Variants in RTTN observed in about 807,000 individuals in gnomAD.
RTTN encodes the protein rotatin.
Under a neutral mutation model 269.2 loss-of-function variants are expected in RTTN, and 182 were observed. The observed-to-expected ratio is 0.68, with a 90% CI of 0.60 to 0.76. RTTN has a LOEUF of 0.76. Ranked by LOEUF, RTTN falls within the 30% of genes least tolerant of loss-of-function variation. The pLI is 0.00. For synonymous variants in RTTN, 1,006 were observed against 963.5 expected (o/e 1.04, Z -0.82); for missense variants, 2,545 against 2,608.6 (o/e 0.98, Z 0.53).
chr18:70,179,612 T>TC (rs1404772570), intron 10 of RTTN, among the ~76,000 whole-genome samples: 1 of 152,164 alleles, frequency 6.6e-6, no homozygotes, highest in African/African-American at 2.4e-5. Flanking sequence ...AAAAGACCCG[T>TC]CCTCACAGGA....
intron 34 of RTTN, among the ~76,000 whole-genome samples, chr18:70,070,208 C>A (rs940296798): frequency 5.9e-5 from 9 of 152,272 alleles, no homozygotes; most frequent in Non-Finnish European, 1.2e-4. Context: ...CTGTGCCATC[C>A]TGTGTGTAAT....
At position 70,109,694 on chromosome 18, in the gene RTTN, A is replaced by C. The variant is rs1475762950; in HGVS notation, c.3707T>G (p.Val1236Gly). Residue 1236 changes from valine to glycine, a missense_variant, in exon 28 of 49, where the codon GTT (valine) becomes GGT (glycine). Physicochemically the swap from Val to Gly is moderately radical, Grantham distance 109. Coordinates refer to ENST00000640769, the MANE Select transcript of RTTN (RefSeq NM_173630.4). ...TDRKCSELLY[V>G]FQTQLALKLL... ...TTTCAGAGCCAGCTGCGTTTGAAAA[A>C]CGTAAAGAAGTTCCGAGCATTTCCT... 7 of 1,614,030 alleles carry C rather than the reference A, an allele frequency of 4.3e-6. No individual in the cohort carries two copies. Among genetic ancestry groups the C allele is most frequent in the Non-Finnish European group, 5.9e-6 (7 of 1,180,030 alleles).
intron 40 of RTTN, among the ~76,000 whole-genome samples, chr18:70,045,334 A>G (rs2057463345): frequency 6.6e-6 from 1 of 152,220 alleles, no homozygotes; most frequent in Admixed American, 6.5e-5. Context: ...CTGAATCCCA[A>G]GAAGTTAAGT....
intron 46 of RTTN, 109 bp from the exon 47 acceptor site, chr18:70,006,593 AAGTTGGTATC>A (rs1024533214): frequency 6.2e-6 from 5 of 809,504 alleles, no homozygotes; most frequent in Non-Finnish European, 1.0e-5. Context: ...TGCATACATA[AAGTTGGTATC>A]ACTAGACTAT....
chr18:70,184,703 G>GTTTTTTTTTTTTTTTTT (rs374636456), intron 10 of RTTN, among the ~76,000 whole-genome samples: 1 of 26,352 alleles, frequency 3.8e-5, no homozygotes, highest in Non-Finnish European at 1.9e-4. Flanking sequence ...ACCACAGCAG[G>GTTTTTTTTTTTTTTTTT]TTTTTTTTTT....
At chr18:70,197,934 T>G (rs113208975) in intron 5 of RTTN, among the ~76,000 whole-genome samples, 196 bp from the exon 6 acceptor site, 7 of 152,276 alleles carry the variant, frequency 4.6e-5, no homozygotes, top group African/African-American at 1.7e-4. Flanking sequence ...TGTCCATTAT[T>G]TGTGATATTG....
intron 40 of RTTN, among the ~76,000 whole-genome samples, chr18:70,038,451 G>A (rs1350256737): frequency 6.6e-6 from 1 of 152,166 alleles, no homozygotes; most frequent in Non-Finnish European, 1.5e-5. Flanking sequence ...TAAGGTAAAA[G>A]AACAAGAGTC....
At chr18:70,127,312 C>T (rs1270371714) in intron 25 of RTTN, among the ~76,000 whole-genome samples, 190 bp downstream of exon 25, 3 of 151,964 alleles carry the variant, frequency 2.0e-5, no homozygotes, top group Non-Finnish European at 4.4e-5. Context: ...ATTAATAATC[C>T]CTTCAACAAT....
At chr18:70,174,791 C>T (rs2061244495) in intron 11 of RTTN, among the ~76,000 whole-genome samples, 2 of 150,714 alleles carry the variant, frequency 1.3e-5, no homozygotes, top group South Asian at 4.2e-4. Context: ...GAGGCCGAGG[C>T]GGGCACATCA....
chr18:70,073,348 C>T (rs2058345936), intron 34 of RTTN, among the ~76,000 whole-genome samples: 1 of 152,034 alleles, frequency 6.6e-6, no homozygotes, highest in African/African-American at 2.4e-5. Flanking sequence ...ATATAAATTT[C>T]AGGTATTCCA....
intron 38 of RTTN, among the ~76,000 whole-genome samples, chr18:70,052,237 C>G (rs942060397): frequency 2.6e-5 from 4 of 152,144 alleles, no homozygotes; most frequent in Non-Finnish European, 5.9e-5. Flanking sequence ...ATAATGTAAA[C>G]TTTATAGGAC....
chr18:70,122,551 A>G (rs576542962), intron 25 of RTTN, among the ~76,000 whole-genome samples: 43 of 152,274 alleles, frequency 2.8e-4, no homozygotes, highest in African/African-American at 9.4e-4. Flanking sequence ...AACATTATGA[A>G]GTAGGCACCT....
At chr18:70,184,183 C>A (rs1203654350) in intron 10 of RTTN, among the ~76,000 whole-genome samples, 2 of 152,218 alleles carry the variant, frequency 1.3e-5, no homozygotes, top group African/African-American at 2.4e-5. Context: ...AGCCAGTGGA[C>A]AAGACCCAAA....
chr18:70,150,507 T>G, intron 15 of RTTN, 101 bp downstream of exon 15: 1 of 1,096,692 alleles, frequency 9.1e-7, no homozygotes, highest in South Asian at 1.4e-5. Flanking sequence ...AGGTTTCTTT[T>G]TAGTTTCTCA....
chr18:70,133,918 G>A (rs545807457), intron 23 of RTTN, among the ~76,000 whole-genome samples: 1 of 152,190 alleles, frequency 6.6e-6, no homozygotes, highest in East Asian at 1.9e-4. Flanking sequence ...ATACAATGCA[G>A]AACCTTAACT....
chr18:70,169,083 AAAC>A lies in RTTN; in HGVS notation c.1477-19_1477-17del. The A allele has an allele frequency of 1.9e-6, 3 of 1,553,942 alleles. No individual in the cohort carries two copies. Among genetic ancestry groups the A allele is most frequent in the Non-Finnish European group, 2.6e-6 (3 of 1,154,844 alleles). On this transcript the variant is annotated splice_polypyrimidine_tract_variant and intron_variant, in intron 11 of 48. Transcript: ENST00000640769. ...ACTCGCTTGCCTTGGTGAATTAAAA[AAAC>A]AAAAAAATTAAAACTTTGTTTAAAA...
chr18:70,182,649 TTA>T (rs1283919194), intron 10 of RTTN, among the ~76,000 whole-genome samples: 1 of 152,178 alleles, frequency 6.6e-6, no homozygotes, highest in Non-Finnish European at 1.5e-5. Flanking sequence ...GACAAATGAT[TTA>T]TGATATTTTG....
Position 70,205,155 on chromosome 18 carries a change from A to G in RTTN, c.192T>C (p.Val64=). The change falls in exon 2 of 49, where the codon GTT becomes GTC. Residue 64 remains valine, a synonymous_variant. Transcript: ENST00000640769. The part of the protein sequence containing the change: ...NFPSVPMKEE[V]LNLLSRLVKY... ...TAACCAATCTGCTTAACAGGTTCAG[A>G]ACCTCTTCCTTCATCGGAACGGACG... The G allele has an allele frequency of 6.2e-7, 1 of 1,614,264 alleles. No homozygotes were observed. The highest frequency in any genetic ancestry group is 8.5e-7 in the Non-Finnish European group (1 of 1,180,052).
intron 21 of RTTN, chr18:70,138,727 T>C (rs1599732509): frequency 6.6e-6 from 1 of 152,116 alleles, no homozygotes; most frequent in African/African-American, 2.4e-5. Context: ...GCTACTTAAA[T>C]AAACTGCATC....
Sources: allele counts gnomAD v4.1 joint callset (sites outside exome capture counted in the v4.1 genomes callset), GRCh38; gene constraint gnomAD v4.1.1; transcripts MANE v1.5; gene names NCBI Gene and HGNC (gene_info 2026-07-23, HGNC 2026-07-21).